Variants in CLCN4 observed in about 807,000 individuals in gnomAD.
The protein encoded by CLCN4 is Cl-/H+ antiporter 4.
Under a neutral mutation model 41.7 loss-of-function variants are expected in CLCN4, and 1 was observed. The ratio of observed to expected loss-of-function variants is 0.02; its 90% CI spans 0.01 to 0.11. The LOEUF (loss-of-function observed/expected upper bound fraction) is 0.11. Among genes scored for constraint, CLCN4 ranks in the 10% least tolerant of loss-of-function variants. CLCN4 has a pLI of 1.00. For synonymous variants in CLCN4, 277 were observed against 285.8 expected, an observed-to-expected ratio of 0.97 and a Z score of 0.31; for missense variants, 287 against 661.0, an observed-to-expected ratio of 0.43 and a Z score of 6.20.
chrX:10,173,617 C>T (rs1377995491), intron 2 of CLCN4, among the ~76,000 whole-genome samples: 1 of 111,683 alleles, frequency 9.0e-6, no homozygotes, highest in Non-Finnish European at 1.9e-5. Context: ...GAAGGCAGCC[C>T]GGTCTCTTTT....
chrX:10,227,927 CT>C (rs983768587), intron 12 of CLCN4, among the ~76,000 whole-genome samples: 2 of 110,871 alleles, frequency 1.8e-5, no homozygotes, highest in Non-Finnish European at 1.9e-5. Context: ...TTTGGTTTCC[CT>C]TTTTTTCTTT....
chrX:10,202,054 C>T (rs1160937369), intron 6 of CLCN4, among the ~76,000 whole-genome samples: 1 of 111,168 alleles, frequency 9.0e-6, no homozygotes, highest in African/African-American at 3.3e-5. Context: ...TTCTATAAAG[C>T]ACATTTAAAG....
intron 2 of CLCN4, among the ~76,000 whole-genome samples, chrX:10,183,192 T>C (rs1025517253): frequency 6.2e-5 from 7 of 112,466 alleles, no homozygotes; most frequent in African/African-American, 2.3e-4. Context: ...TACTGACTTC[T>C]GCGATGTGAT....
intron 2 of CLCN4, among the ~76,000 whole-genome samples, chrX:10,175,812 A>G (rs1309352647): frequency 9.2e-6 from 1 of 109,085 alleles, no homozygotes; most frequent in African/African-American, 3.4e-5. Flanking sequence ...TCGGATCACT[A>G]ATTACTTGGA....
chrX:10,183,029 C>G (rs1004041035), intron 2 of CLCN4, among the ~76,000 whole-genome samples: 1 of 112,113 alleles, frequency 8.9e-6, no homozygotes, highest in African/African-American at 3.2e-5. Flanking sequence ...GACAAGGGCT[C>G]TCTTGGAGGG....
chrX:10,163,434 A>G (rs1277451276), intron 2 of CLCN4, among the ~76,000 whole-genome samples: 1 of 102,715 alleles, frequency 9.7e-6, no homozygotes, highest in Admixed American at 1.1e-4. Context: ...TTGAGATGGA[A>G]TCTCTCTTTG....
chrX:10,226,439 G>A (rs964933049), intron 12 of CLCN4, among the ~76,000 whole-genome samples: 4 of 111,522 alleles, frequency 3.6e-5, no homozygotes, highest in Admixed American at 2.9e-4. Context: ...ATATCAAAAA[G>A]CTAGAAAGAT....
intron 12 of CLCN4, among the ~76,000 whole-genome samples, chrX:10,227,015 G>A (rs1925006382): frequency 9.0e-6 from 1 of 110,714 alleles, no homozygotes; most frequent in South Asian, 3.8e-4. Flanking sequence ...CCAAACAATT[G>A]AAAAGGAGGG....
At chrX:10,229,261 T>G (rs1202351166) in intron 12 of CLCN4, among the ~76,000 whole-genome samples, 2 of 110,975 alleles carry the variant, frequency 1.8e-5, no homozygotes, top group Non-Finnish European at 3.8e-5. Context: ...TGAAATTAAT[T>G]AGAATTATCA....
intron 2 of CLCN4, among the ~76,000 whole-genome samples, chrX:10,181,319 A>C (rs1923675985): frequency 9.1e-6 from 1 of 109,374 alleles, no homozygotes; most frequent in African/African-American, 3.4e-5. Flanking sequence ...TGATTGTGCC[A>C]CTGCACTCTA....
chrX:10,224,754 C>T (rs1924948995), intron 12 of CLCN4, among the ~76,000 whole-genome samples: 1 of 111,415 alleles, frequency 9.0e-6, no homozygotes, highest in Admixed American at 9.5e-5. Context: ...TCCCCACATC[C>T]ACGACAGGCC....
At chrX:10,228,307 G>C (rs1433094670) in intron 12 of CLCN4, among the ~76,000 whole-genome samples, 1 of 109,427 alleles carries the variant, frequency 9.1e-6, no homozygotes, top group African/African-American at 3.3e-5. Context: ...GGGTTAAAGG[G>C]AATTGGTTGC....
In CLCN4 at chrX:10,233,879, G is replaced by A. The variant is rs752472963; in HGVS notation, c.*295G>A. On this transcript the variant is annotated 3_prime_UTR_variant, in exon 13 of 13. Transcript: ENST00000380833. ...GATGTAAATGATGTGATCTGTACAA[G>A]TATGTGGAGCATGAATGCTGACTCA... is the stretch of plus-strand genomic sequence containing the variant. The A allele has an allele frequency of 2.3e-4, 51 of 219,433 alleles. No individual in the cohort carries two copies. In the South Asian group the frequency reaches 5.3e-3, roughly 23 times the overall value. The allele number at this position is 219,433 out of a possible 1,213,427, so 18.1% of individuals were successfully genotyped here. A position where few individuals can be genotyped will look rare whatever the true frequency, so the allele number is the denominator to read the frequency against.
chrX:10,182,628 G>C (rs1486633265), intron 2 of CLCN4, among the ~76,000 whole-genome samples: 1 of 112,542 alleles, frequency 8.9e-6, no homozygotes, highest in East Asian at 2.8e-4. Context: ...GTTTCACCAT[G>C]TTGGCCAAGC....
Position 10,203,515 on chromosome X carries a change from C to G in CLCN4, c.556-2843C>G, listed in dbSNP as rs368152070. ...TCTTGGATGAGCTCACTTCATGACC[C>G]TCCCCAAATCGCCCAAGGTGACATG... is the stretch of plus-strand genomic sequence containing the variant. On this transcript the variant is annotated intron_variant, in intron 6 of 12. Transcript: ENST00000380833. Among the ~76,000 whole-genome samples, 3 of 111,827 alleles carry G rather than the reference C, an allele frequency of 2.7e-5. No individual in the cohort carries two copies. The East Asian group carries it at 8.4e-4, about 31-fold the overall frequency.
intron 11 of CLCN4, among the ~76,000 whole-genome samples, chrX:10,215,409 A>C (rs1924677344): frequency 8.9e-6 from 1 of 112,294 alleles, no homozygotes; most frequent in South Asian, 3.7e-4. Flanking sequence ...CCAAAGTAAA[A>C]ATTGATTTTG....
intron 2 of CLCN4, among the ~76,000 whole-genome samples, chrX:10,179,517 A>G (rs1413894299): frequency 9.0e-6 from 1 of 111,390 alleles, no homozygotes; most frequent in Non-Finnish European, 1.9e-5. Flanking sequence ...GCATAGATTC[A>G]TGTTTTAATG....
intron 2 of CLCN4, among the ~76,000 whole-genome samples, chrX:10,162,217 C>A (rs184727855): frequency 4.5e-5 from 5 of 110,509 alleles, no homozygotes; most frequent in African/African-American, 1.6e-4. Context: ...TGGGATTTTG[C>A]CATGTTGGAC....
chrX:10,224,339 A>AGT (rs752556974), intron 12 of CLCN4, among the ~76,000 whole-genome samples: 2,362 of 72,584 alleles, frequency 0.033, 18 homozygotes, highest in Non-Finnish European at 0.043. Flanking sequence ...TGTGTATGTG[A>AGT]GTGTGTGTGT....
Sources: allele counts gnomAD v4.1 joint callset (sites outside exome capture counted in the v4.1 genomes callset), GRCh38; gene constraint gnomAD v4.1.1; transcripts MANE v1.5; gene names NCBI Gene and HGNC (gene_info 2026-07-23, HGNC 2026-07-21).